Variants in PPP1R14C observed in about 807,000 individuals in gnomAD.
PPP1R14C encodes protein phosphatase 1 regulatory inhibitor subunit 14C.
PPP1R14C carries 16 observed loss-of-function variants against 20.4 expected under a neutral mutation model. The observed-to-expected ratio is 0.78, with a 90% CI of 0.53 to 1.19. The LOEUF is 1.19. Ranked by LOEUF, PPP1R14C falls within the 50% of genes most tolerant of loss-of-function variation. The probability of loss-of-function intolerance (pLI) is 0.00; values close to 1 mark genes in which losing one functional copy is unlikely to be tolerated. For missense variants in PPP1R14C, 211 were observed against 220.1 expected, an observed-to-expected ratio of 0.96 and a Z score of 0.26; for synonymous variants, 91 against 91.0, an observed-to-expected ratio of 1.00 and a Z score of 0.00.
intron 1 of PPP1R14C, among the ~76,000 whole-genome samples, chr6:150,205,481 T>G (rs182948715): frequency 1.3e-5 from 2 of 152,300 alleles, no homozygotes; most frequent in Non-Finnish European, 1.5e-5. Flanking sequence ...CAGTTTGCTC[T>G]CTGAGGTTTG....
At chr6:150,184,127 C>G (rs1295796528) in intron 1 of PPP1R14C, among the ~76,000 whole-genome samples, 1 of 152,170 alleles carries the variant, frequency 6.6e-6, no homozygotes, top group Non-Finnish European at 1.5e-5. Context: ...GGTTCCTTAG[C>G]AACTAATTTG....
intron 1 of PPP1R14C, among the ~76,000 whole-genome samples, chr6:150,150,891 C>T (rs902815117): frequency 6.6e-6 from 1 of 152,034 alleles, no homozygotes; most frequent in South Asian, 2.1e-4. Flanking sequence ...CACACAAATA[C>T]CTTCCCCTCC....
At chr6:150,172,229 A>G (rs1777508303) in intron 1 of PPP1R14C, among the ~76,000 whole-genome samples, 3 of 152,182 alleles carry the variant, frequency 2.0e-5, no homozygotes, top group Non-Finnish European at 4.4e-5. Context: ...GTTATAGATA[A>G]TCTCTCTATT....
intron 1 of PPP1R14C, among the ~76,000 whole-genome samples, chr6:150,169,285 C>G (rs1398194604): frequency 1.3e-5 from 2 of 152,146 alleles, no homozygotes; most frequent in East Asian, 1.9e-4. Context: ...AATGAATTCA[C>G]TGCATGGAGT....
chr6:150,204,475 G>A (rs564087298), intron 1 of PPP1R14C, among the ~76,000 whole-genome samples: 46 of 152,266 alleles, frequency 3.0e-4, no homozygotes, highest in East Asian at 7.7e-4. Flanking sequence ...AGGAGTACAC[G>A]ATTCCCTGGA....
intron 1 of PPP1R14C, among the ~76,000 whole-genome samples, chr6:150,197,820 T>A: frequency 6.6e-5 from 5 of 75,676 alleles, no homozygotes; most frequent in Admixed American, 2.4e-4. Flanking sequence ...CCCCTGCCCT[T>A]CACGGTGGAG....
chr6:150,222,370 C>A (rs1367523536), intron 3 of PPP1R14C, among the ~76,000 whole-genome samples: 1 of 152,178 alleles, frequency 6.6e-6, no homozygotes, highest in Non-Finnish European at 1.5e-5. Context: ...ATCCACCTCA[C>A]ACATGTACAC....
At chr6:150,193,175 T>A (rs1419340994) in intron 1 of PPP1R14C, among the ~76,000 whole-genome samples, 1 of 152,142 alleles carries the variant, frequency 6.6e-6, no homozygotes, top group Non-Finnish European at 1.5e-5. Context: ...CCAAATCTCC[T>A]GATTATCCAA....
chr6:150,214,644 A>C, intron 1 of PPP1R14C, 100 bp from the exon 2 acceptor site: 1 of 754,710 alleles, frequency 1.3e-6, no homozygotes, highest in Non-Finnish European at 2.2e-6. Context: ...GCCCTTCTCA[A>C]TTGATGATCT....
intron 1 of PPP1R14C, among the ~76,000 whole-genome samples, chr6:150,184,264 T>C (rs73007947): frequency 0.019 from 2,848 of 152,270 alleles, 43 homozygotes; most frequent in Middle Eastern, 0.037. Context: ...AAATGGAGCA[T>C]GGAGGGGCCG....
chr6:150,211,937 G>A (rs1043442733), intron 1 of PPP1R14C, among the ~76,000 whole-genome samples: 36 of 152,332 alleles, frequency 2.4e-4, no homozygotes, highest in African/African-American at 8.7e-4. Context: ...AATCACTTGA[G>A]GTTTTTTCCC....
chr6:150,234,619 C>CAGGCAGAT (rs1435220045), intron 3 of PPP1R14C, among the ~76,000 whole-genome samples: 2 of 151,926 alleles, frequency 1.3e-5, no homozygotes, highest in East Asian at 3.9e-4. Flanking sequence ...GAGGCCAAGG[C>CAGGCAGAT]AGGCAGATCA....
chr6:150,226,627 T>TA (rs1043375080), intron 3 of PPP1R14C, among the ~76,000 whole-genome samples: 1 of 152,124 alleles, frequency 6.6e-6, no homozygotes, highest in East Asian at 1.9e-4. Context: ...TGAGCTTTTT[T>TA]AAAAAAATCT....
In PPP1R14C at chr6:150,179,655, A is replaced by G. The variant is rs186489774; in HGVS notation, c.307-35089A>G. On this transcript the variant is annotated intron_variant, in intron 1 of 3. Coordinates refer to ENST00000361131, the MANE Select transcript of PPP1R14C (RefSeq NM_030949.3). ...TGGTTCATGGGCTGTTAAAAAAAAA[A>G]AGGGGATAATATCCATGAAGGCTCT... 7.8e-3 allele frequency among the ~76,000 whole-genome samples: 1,182 copies of G among 152,240 alleles called. 14 individuals carry two copies. The highest frequency in any genetic ancestry group is 0.027 in the African/African-American group (1,134 of 41,542).
intron 3 of PPP1R14C, among the ~76,000 whole-genome samples, chr6:150,232,371 G>A (rs190780745): frequency 2.2e-4 from 33 of 152,222 alleles, no homozygotes; most frequent in African/African-American, 7.7e-4. Flanking sequence ...CCAAACTGTG[G>A]AGCTTATTTT....
intron 1 of PPP1R14C, among the ~76,000 whole-genome samples, chr6:150,205,226 T>C (rs1467926387): frequency 6.6e-6 from 1 of 152,024 alleles, no homozygotes; most frequent in Admixed American, 6.6e-5. Context: ...AGTTCCTTGT[T>C]GCTTTGCCGC....
At chr6:150,217,370 AT>A (rs1778107749) in intron 3 of PPP1R14C, among the ~76,000 whole-genome samples, 1 of 151,676 alleles carries the variant, frequency 6.6e-6, no homozygotes, top group African/African-American at 2.4e-5. Context: ...TAATTTTTGT[AT>A]TTTTAGTAGA....
chr6:150,238,524 C>A (rs556967365), intron 3 of PPP1R14C, among the ~76,000 whole-genome samples: 1 of 152,372 alleles, frequency 6.6e-6, no homozygotes, highest in Non-Finnish European at 1.5e-5. Context: ...CTGTGGGAGG[C>A]AGCATGGGAG....
chr6:150,228,403 C>T (rs1238334756), intron 3 of PPP1R14C, among the ~76,000 whole-genome samples: 1 of 152,186 alleles, frequency 6.6e-6, no homozygotes, highest in Non-Finnish European at 1.5e-5. Context: ...AGGGAAGAGA[C>T]ACAGGGGACA....
Sources: gnomAD v4.1 joint callset for allele counts (sites outside exome capture counted in the v4.1 genomes callset) on GRCh38, gnomAD v4.1.1 for gene constraint, MANE v1.5 for transcripts, NCBI Gene and HGNC (gene_info 2026-07-23, HGNC 2026-07-21) for gene names.